The following NOP14 variants were observed in gnomAD, a reference collection of about 807,000 sequenced individuals.
NOP14 encodes the protein nucleolar protein 14.
Under a neutral mutation model 101.6 loss-of-function variants are expected in NOP14, and 57 were observed. The observed-to-expected ratio is 0.56, with a 90% confidence interval of 0.45 to 0.70. The LOEUF (loss-of-function observed/expected upper bound fraction) is 0.70, where lower values mean the gene tolerates loss of function less well. Ranked by LOEUF, NOP14 falls within the 30% of genes least tolerant of loss-of-function variation. The pLI is 0.00. For missense variants in NOP14, 1,134 were observed against 1,075.5 expected (o/e 1.05, Z -0.76); for synonymous variants, 428 against 424.0 (o/e 1.01, Z -0.12).
chr4:2,947,416 C>T (rs1246980659), intron 10 of NOP14, 110 bp downstream of exon 10: 20 of 797,184 alleles, frequency 2.5e-5, no homozygotes, highest in Non-Finnish European at 4.1e-5. Context: ...ATGCTGACAC[C>T]ATCATTCCAC....
chr4:2,944,195 T>C lies in NOP14; in HGVS notation c.1769A>G (p.Lys590Arg). 6.2e-7 allele frequency: 1 copy of C among 1,613,960 alleles called. No individual in the cohort carries two copies. The highest frequency in any genetic ancestry group is 8.5e-7 in the Non-Finnish European group (1 of 1,179,936). ...GAACAGGCAGCACACGAACAGGCCC[T>C]TCACCACGTCCTGGAGGGACAGGAT... ...CPILSLQDVV[K>R]GLFVCCLFLE... Residue 590 changes from lysine to arginine, a missense_variant, in exon 13 of 18, where the codon AAG (lysine) becomes AGG (arginine). Coordinates refer to ENST00000416614, the MANE Select transcript of NOP14 (RefSeq NM_001291978.2).
intron 13 of NOP14, among the ~76,000 whole-genome samples, chr4:2,943,333 G>T (rs540065209): frequency 6.6e-6 from 1 of 152,378 alleles, no homozygotes; most frequent in African/African-American, 2.4e-5. Flanking sequence ...GGAAATAGAG[G>T]ACAGGGGTCT....
Position 2,939,561 on chromosome 4 carries a change from G to A in NOP14, c.2284C>T (p.Pro762Ser), listed in dbSNP as rs766336909. 5 of 1,613,846 alleles carry A rather than the reference G, an allele frequency of 3.1e-6. No homozygotes were observed. Among genetic ancestry groups the A allele is most frequent in the Middle Eastern group, 1.6e-4 (1 of 6,084 alleles). ...PLTCEKSKPV[P>S]LKLFTPRLVK... ...AGCCGGGGTGTGAAAAGCTTCAGTG[G>A]GACAGGCTTGCTCTTCTCACAGGTC... is the stretch of plus-strand genomic sequence containing the variant. The change falls in exon 16 of 18, where the codon CCA becomes TCA. Residue 762 changes from proline to serine, a missense_variant. Pro to Ser is a moderately conservative substitution (Grantham distance 74). Transcript: ENST00000416614.
rs747231786 is a variant in NOP14, at chr4:2,953,554, T to G, written c.704A>C (p.Lys235Thr). The change falls in exon 5 of 18, where the codon AAA becomes ACA. Residue 235 changes from lysine (K) to threonine (T), a missense_variant. Lys to Thr is a moderately conservative substitution (Grantham distance 78, BLOSUM62 -1). Coordinates refer to ENST00000416614, the MANE Select transcript of NOP14 (RefSeq NM_001291978.2). ...WKEIQTLLSH[K>T]TPKSENRDKK... is the part of the protein sequence containing the mutation. ...GTCTCTGTTCTCTGACTTGGGAGTT[T>G]TGTGGGACAGGAGAGTCTGAATTTC... is the stretch of plus-strand genomic sequence containing the variant. The G allele has an allele frequency of 6.2e-7, 1 of 1,614,260 alleles. No individual in the cohort carries two copies. The highest frequency in any genetic ancestry group is 1.1e-5 in the South Asian group (1 of 91,092).
chr4:2,941,708 G>A lies in NOP14; in HGVS notation c.2073C>T (p.Gly691=). 6.2e-7 allele frequency: 1 copy of A among 1,612,940 alleles called. No individual in the cohort carries two copies. The highest frequency in any genetic ancestry group is 8.5e-7 in the Non-Finnish European group (1 of 1,179,814). Residue 691 remains glycine (G), a synonymous_variant, in exon 15 of 18, where the codon GGC becomes GGT. Transcript: ENST00000416614. The part of the protein sequence containing the change: ...NHIRLSCLAV[G]LALLKRCVLM... ...GCACGCAGCGCTTCAGCAGGGCCAG[G>A]CCCACAGCCAGGCAGGACAGTCTGT...
chr4:2,939,655 ACGAAATCC>A lies in NOP14; in HGVS notation c.2200-18_2200-11del. On this transcript the variant is annotated splice_polypyrimidine_tract_variant and intron_variant, in intron 15 of 17. Coordinates refer to ENST00000416614, the MANE Select transcript of NOP14 (RefSeq NM_001291978.2). ...TGCTCTGACACAGCTCCTGAAAAAC[ACGAAATCC>A]CCGACTCTGCGATGACTCACCTGCT... 1 of 1,603,860 alleles carries A rather than the reference ACGAAATCC, an allele frequency of 6.2e-7. No individual in the cohort carries two copies. The highest frequency in any genetic ancestry group is 8.5e-7 in the Non-Finnish European group (1 of 1,171,042).
chr4:2,946,411 C>T lies in NOP14; in HGVS notation c.1635+1G>A. 1 of 1,614,212 alleles carries T rather than the reference C, an allele frequency of 6.2e-7. No homozygotes were observed. Among genetic ancestry groups the T allele is most frequent in the Non-Finnish European group, 8.5e-7 (1 of 1,180,022 alleles). On this transcript the variant is annotated splice_donor_variant, in intron 11 of 17. Coordinates refer to ENST00000416614, the MANE Select transcript of NOP14 (RefSeq NM_001291978.2). LOFTEE classifies it high-confidence loss of function. Reference sequence around the variant, plus strand: ...CAGTGCCTAGACTGAACTCTGCTTACCACATCCAACCCTGGCAATGCCGCC... The same window carrying T: ...CAGTGCCTAGACTGAACTCTGCTTATCACATCCAACCCTGGCAATGCCGCC...
At chr4:2,947,405 C>T in intron 10 of NOP14, 121 bp downstream of exon 10, 1 of 734,938 alleles carries the variant, frequency 1.4e-6, no homozygotes, top group South Asian at 1.7e-5. Context: ...GCCCACTTGG[C>T]ATGCTGACAC....
chr4:2,953,494 C>T lies in NOP14; in HGVS notation c.747+17G>A. Reference sequence around the variant, plus strand: ...AGCTCAGTGAGTGAAGAGTTTGTTTCAGTACTTGGCTCCCACCTTGGGTTT... The same window carrying T: ...AGCTCAGTGAGTGAAGAGTTTGTTTTAGTACTTGGCTCCCACCTTGGGTTT... On this transcript the variant is annotated intron_variant, in intron 5 of 17. Transcript: ENST00000416614. 1 of 1,613,484 alleles carries T rather than the reference C, an allele frequency of 6.2e-7. No homozygotes were observed. The highest frequency in any genetic ancestry group is 1.3e-5 in the African/African-American group (1 of 74,960).
chr4:2,960,710 TATTAATATTATAATCACATTAATATTAA>T (rs1282023273), intron 1 of NOP14, among the ~76,000 whole-genome samples: 1 of 137,120 alleles, frequency 7.3e-6, no homozygotes, highest in African/African-American at 2.9e-5. Context: ...AATATTAATA[TATTAATATTATAATCACATTAATATTAA>T]TATATTAATA....
At chr4:2,942,399 C>G in intron 13 of NOP14, 48 bp from the exon 14 acceptor site, 2 of 1,578,322 alleles carry the variant, frequency 1.3e-6, no homozygotes, top group Non-Finnish European at 8.7e-7. Flanking sequence ...CATTACTGGG[C>G]TCCCAGCAGG....
At position 2,950,028 on chromosome 4, in the gene NOP14, T is replaced by A; in HGVS notation, c.1188A>T (p.Ala396=). 6.2e-7 allele frequency: 1 copy of A among 1,614,236 alleles called. No individual in the cohort carries two copies. The highest frequency in any genetic ancestry group is 2.2e-5 in the East Asian group (1 of 44,884). The change falls in exon 8 of 18, where the codon GCA becomes GCT. Residue 396 remains alanine (A), a synonymous_variant. Transcript: ENST00000416614. The part of the protein sequence containing the change: ...VESEEENEKP[A]KEQRQTPGKG... ...TCCCAGGAGTCTGCCTCTGCTCTTT[T>A]GCTGGCTTCTCGTTTTCTTCCTCAC...
At chr4:2,958,569 A>T (rs1325555796) in intron 1 of NOP14, among the ~76,000 whole-genome samples, 1 of 152,254 alleles carries the variant, frequency 6.6e-6, no homozygotes, top group Non-Finnish European at 1.5e-5. Context: ...GGAATGATCC[A>T]ATTCAGTGGT....
At chr4:2,949,859 G>A in intron 8 of NOP14, 75 bp downstream of exon 8, 2 of 1,550,712 alleles carry the variant, frequency 1.3e-6, no homozygotes, top group South Asian at 1.2e-5. Flanking sequence ...CCCTGGGAGG[G>A]AGACGAACAC....
intron 12 of NOP14, among the ~76,000 whole-genome samples, chr4:2,944,770 T>C (rs1205507753): frequency 1.3e-5 from 2 of 152,344 alleles, no homozygotes; most frequent in East Asian, 1.9e-4. Context: ...GCACTAAGCA[T>C]GTACCAATCA....
chr4:2,939,603 G>C lies in NOP14; in HGVS notation c.2242C>G (p.Gln748Glu). The change falls in exon 16 of 18, where the codon CAG (glutamine) becomes GAG (glutamate). Residue 748 changes from glutamine (Q) to glutamate (E), a missense_variant. Transcript: ENST00000416614. ...TCACAGGTCAGCGGCCGGCAGAGCTGCTTCTGGCTTTCCATTTCGGTCAGT... is the reference window on the plus strand; with the variant it reads ...TCACAGGTCAGCGGCCGGCAGAGCTCCTTCTGGCTTTCCATTTCGGTCAGT... ...STLTEMESQK[Q>E]LCRPLTCEKS... 1 of 1,613,922 alleles carries C rather than the reference G, an allele frequency of 6.2e-7. No homozygotes were observed. Among genetic ancestry groups the C allele is most frequent in the Non-Finnish European group, 8.5e-7 (1 of 1,180,020 alleles).
At chr4:2,959,564 G>C (rs1334841087) in intron 1 of NOP14, among the ~76,000 whole-genome samples, 1 of 151,284 alleles carries the variant, frequency 6.6e-6, no homozygotes, top group Non-Finnish European at 1.5e-5. Flanking sequence ...CTGCACTCCA[G>C]CCTGGGCGAC....
Position 2,942,248 on chromosome 4 carries a change from G to A in NOP14, c.1995C>T (p.Ser665=). The A allele has an allele frequency of 6.2e-7, 1 of 1,614,124 alleles. No individual in the cohort carries two copies. The highest frequency in any genetic ancestry group is 8.5e-7 in the Non-Finnish European group (1 of 1,180,012). The change falls in exon 14 of 18, where the codon TCC becomes TCT. Residue 665 remains serine, a synonymous_variant. Transcript: ENST00000416614. ...DVATWQQSSL[S]LRWASRLRAP... Reference sequence around the variant, plus strand: ...CCCTCAGTCTACTCGCCCAGCGGAGGGAGAGGCTGCTCTGCTGCCACGTGG... The same window carrying A: ...CCCTCAGTCTACTCGCCCAGCGGAGAGAGAGGCTGCTCTGCTGCCACGTGG...
At chr4:2,943,911 C>T (rs1227559923) in intron 13 of NOP14, among the ~76,000 whole-genome samples, 162 bp downstream of exon 13, 5 of 152,260 alleles carry the variant, frequency 3.3e-5, no homozygotes, top group Non-Finnish European at 7.3e-5. Flanking sequence ...CCCCATGTGG[C>T]GCGTGCACAC....
Sources: gnomAD v4.1 joint callset for allele counts (sites outside exome capture counted in the v4.1 genomes callset) on GRCh38, gnomAD v4.1.1 for gene constraint, MANE v1.5 for transcripts, NCBI Gene and HGNC (gene_info 2026-07-23, HGNC 2026-07-21) for gene names.